Variants in PPARGC1A observed in about 807,000 individuals in gnomAD.
PPARGC1A encodes PPARG coactivator 1 alpha, also known as peroxisome proliferator-activated receptor gamma coactivator 1-alpha.
PPARGC1A carries 25 observed loss-of-function variants against 88.7 expected under a neutral mutation model. The ratio of observed to expected loss-of-function variants is 0.28; its 90% CI spans 0.21 to 0.39. The LOEUF (loss-of-function observed/expected upper bound fraction) is 0.39. PPARGC1A is among the 10% of genes least tolerant of loss of function. The pLI is 1.00. For synonymous variants in PPARGC1A, 363 were observed against 355.6 expected, an observed-to-expected ratio of 1.02 and a Z score of -0.24; for missense variants, 880 against 968.7, an observed-to-expected ratio of 0.91 and a Z score of 1.22.
At position 23,795,821 on chromosome 4, in the gene PPARGC1A, G is replaced by A. The variant is rs760138582; in HGVS notation, c.*1C>T. The A allele has an allele frequency of 1.2e-6, 2 of 1,606,064 alleles. No homozygotes were observed. Among genetic ancestry groups the A allele is most frequent in the Non-Finnish European group, 1.7e-6 (2 of 1,175,852 alleles). On this transcript the variant is annotated 3_prime_UTR_variant, in exon 13 of 13. Transcript: ENST00000264867. ...TCTGTCATCCTCAGCTAGGGAACATGTTACCTGCGCAAGCTTCTCTGAGCT... is the reference window on the plus strand; with the variant it reads ...TCTGTCATCCTCAGCTAGGGAACATATTACCTGCGCAAGCTTCTCTGAGCT...
At chr4:24,003,049 C>T in the PPARGC1A span, among the ~76,000 whole-genome samples, 33 of 152,100 alleles carry the variant, frequency 2.2e-4, no homozygotes, top group Middle Eastern at 3.4e-3. Flanking sequence ...TTTATGATCA[C>T]GAAAGGAATC....
chr4:24,038,984 C>A, the PPARGC1A span, among the ~76,000 whole-genome samples: 2 of 152,128 alleles, frequency 1.3e-5, no homozygotes, highest in Non-Finnish European at 2.9e-5. Context: ...TTGTCTTACA[C>A]AATTTAATTA....
the PPARGC1A span, among the ~76,000 whole-genome samples, chr4:23,941,106 A>T: frequency 1.3e-5 from 2 of 152,160 alleles, no homozygotes; most frequent in African/African-American, 4.8e-5. Context: ...GCAGGAATAC[A>T]ATGGTGCAGT....
At chr4:24,233,741 G>C in the PPARGC1A span, among the ~76,000 whole-genome samples, 2 of 151,736 alleles carry the variant, frequency 1.3e-5, no homozygotes, top group Non-Finnish European at 2.9e-5. Flanking sequence ...GTGCTTCAAT[G>C]GTCACACAGG....
intron 2 of PPARGC1A, chr4:23,875,693 C>T (rs965525863): frequency 6.6e-6 from 1 of 152,118 alleles, no homozygotes; most frequent in African/African-American, 2.4e-5. Context: ...TCCCATTCGC[C>T]ACAGCAAAAT....
rs767224331 is a variant in PPARGC1A, at chr4:23,831,616, T to C, written c.370A>G (p.Ser124Gly). 5 of 1,614,144 alleles carry C rather than the reference T, an allele frequency of 3.1e-6. No individual in the cohort carries two copies. Among genetic ancestry groups the C allele is most frequent in the East Asian group, 2.2e-5 (1 of 44,868 alleles). Residue 124 changes from serine (S) to glycine (G), a missense_variant, in exon 3 of 13, where the codon AGT (serine) becomes GGT (glycine). Transcript: ENST00000264867. ...DGDVTTDNEA[S>G]PSSMPDGTPP... Reference sequence around the variant, plus strand: ...GTGCCGTCAGGCATGGAGGAAGGACTAGCCTCATTGTCAGTGGTCACGTCT... The same window carrying C: ...GTGCCGTCAGGCATGGAGGAAGGACCAGCCTCATTGTCAGTGGTCACGTCT...
intron 1 of PPARGC1A, among the ~76,000 whole-genome samples, chr4:23,896,507 A>G (rs1718620989): frequency 6.6e-6 from 1 of 152,150 alleles, no homozygotes; most frequent in Admixed American, 6.5e-5. Flanking sequence ...CATGAGCAAC[A>G]CTGAGGGAAG....
chr4:23,839,415 G>A (rs184622636), intron 2 of PPARGC1A, among the ~76,000 whole-genome samples: 50 of 152,240 alleles, frequency 3.3e-4, no homozygotes, highest in Non-Finnish European at 5.6e-4. Context: ...TCAAACTGGA[G>A]ACTTAATAGG....
chr4:23,825,613 TTAAAG>T (rs1723789416), intron 5 of PPARGC1A, among the ~76,000 whole-genome samples: 1 of 152,150 alleles, frequency 6.6e-6, no homozygotes, highest in African/African-American at 2.4e-5. Context: ...TTCAACGACT[TTAAAG>T]TAAATTAATC....
At chr4:23,915,383 G>C in the PPARGC1A span, among the ~76,000 whole-genome samples, 1 of 152,078 alleles carries the variant, frequency 6.6e-6, no homozygotes, top group Non-Finnish European at 1.5e-5. Context: ...AAAGTGTGTT[G>C]TATTAAATAA....
the PPARGC1A span, among the ~76,000 whole-genome samples, chr4:24,412,141 GA>G: frequency 0.013 from 2,054 of 152,286 alleles, 62 homozygotes; most frequent in East Asian, 0.11. Flanking sequence ...AGCAATGAAT[GA>G]AAGTTCCTGT....
intron 2 of PPARGC1A, among the ~76,000 whole-genome samples, chr4:23,880,354 G>T (rs16874276): frequency 6.6e-6 from 1 of 151,940 alleles, no homozygotes; most frequent in South Asian, 2.1e-4. Flanking sequence ...ATTACCTAAC[G>T]CAGTTCATTC....
In PPARGC1A at chr4:23,824,948, A is replaced by G. The variant is rs57707350; in HGVS notation, c.758-440T>C. Among the ~76,000 whole-genome samples, 1,164 of 152,240 alleles carry G rather than the reference A, an allele frequency of 7.6e-3. 12 individuals carry two copies. The highest frequency in any genetic ancestry group is 0.024 in the African/African-American group (1,002 of 41,546). ...TTTATATCTAGCCCTGATAATAGTTATTTCTATGAGGCCAAAGCTCATGCA... is the reference window on the plus strand; with the variant it reads ...TTTATATCTAGCCCTGATAATAGTTGTTTCTATGAGGCCAAAGCTCATGCA... On this transcript the variant is annotated intron_variant, in intron 5 of 12. Coordinates refer to ENST00000264867, the MANE Select transcript of PPARGC1A (RefSeq NM_013261.5).
chr4:24,087,021 T>A, the PPARGC1A span, among the ~76,000 whole-genome samples: 1 of 152,174 alleles, frequency 6.6e-6, no homozygotes, highest in Non-Finnish European at 1.5e-5. Context: ...TATGCTATAA[T>A]ACCTGCTCAA....
Position 23,878,280 on chromosome 4 carries a change from G to C in PPARGC1A, c.234+6472C>G, listed in dbSNP as rs560613714. Among the ~76,000 whole-genome samples the C allele has an allele frequency of 4.6e-5, 7 of 151,070 alleles. No individual in the cohort carries two copies. The East Asian group carries it at 1.4e-3, about 30-fold the overall frequency. The stretch of plus-strand genomic sequence containing the variant: ...CAAAATAGCACTTTCTGAAATCCTT[G>C]TGCCTAATGAAACATACACATTCTC... On this transcript the variant is annotated intron_variant, in intron 2 of 12. Transcript: ENST00000264867.
At chr4:24,350,810 G>T in the PPARGC1A span, among the ~76,000 whole-genome samples, 1 of 152,094 alleles carries the variant, frequency 6.6e-6, no homozygotes, top group Admixed American at 6.5e-5. Flanking sequence ...AGGTGGGGTG[G>T]AGTTGAGTGC....
At chr4:24,370,745 C>T in the PPARGC1A span, among the ~76,000 whole-genome samples, 815 of 126,254 alleles carry the variant, frequency 6.5e-3, 18 homozygotes, top group African/African-American at 0.024. Flanking sequence ...TCTCCTGTCT[C>T]TCTCTTTTTT....
the PPARGC1A span, among the ~76,000 whole-genome samples, chr4:24,046,211 A>G: frequency 6.6e-6 from 1 of 152,198 alleles, no homozygotes; most frequent in Admixed American, 6.5e-5. Flanking sequence ...AGGAGTCAGG[A>G]AAACAAAAAA....
At chr4:23,996,779 C>A in the PPARGC1A span, among the ~76,000 whole-genome samples, 2 of 152,214 alleles carry the variant, frequency 1.3e-5, no homozygotes, top group African/African-American at 4.8e-5. Flanking sequence ...TTAATGCCCC[C>A]ATTGGCAATA....
Sources: allele counts gnomAD v4.1 joint callset (sites outside exome capture counted in the v4.1 genomes callset), GRCh38; gene constraint gnomAD v4.1.1; transcripts MANE v1.5; gene names NCBI Gene and HGNC (gene_info 2026-07-23, HGNC 2026-07-21).